IL1RAPL2: variants seen among roughly 807,000 people sequenced by gnomAD.
The protein encoded by IL1RAPL2 is interleukin 1 receptor accessory protein like 2, also known as X-linked interleukin-1 receptor accessory protein-like 2.
In IL1RAPL2, 3 loss-of-function variants were observed where a neutral mutation model predicts 44.1. The observed-to-expected ratio is 0.07, with a 90% CI of 0.03 to 0.18. The LOEUF (loss-of-function observed/expected upper bound fraction) is 0.18. Ranked by LOEUF, IL1RAPL2 falls within the 10% of genes least tolerant of loss-of-function variation. IL1RAPL2 has a pLI of 1.00. For synonymous variants in IL1RAPL2, 181 were observed against 178.8 expected, an observed-to-expected ratio of 1.01 and a Z score of -0.10; for missense variants, 391 against 496.4, an observed-to-expected ratio of 0.79 and a Z score of 2.02.
At chrX:104,882,875 A>G (rs1269230087) in intron 2 of IL1RAPL2, among the ~76,000 whole-genome samples, 1 of 111,683 alleles carries the variant, frequency 9.0e-6, no homozygotes, top group Non-Finnish European at 1.9e-5. Flanking sequence ...CAGCAAGACC[A>G]CAAACCCACT....
chrX:105,090,149 T>C (rs2032526127), intron 2 of IL1RAPL2, among the ~76,000 whole-genome samples: 1 of 111,240 alleles, frequency 9.0e-6, no homozygotes, highest in African/African-American at 3.3e-5. Flanking sequence ...CTTATTCTCC[T>C]TGACAAGATG....
At chrX:104,877,566 G>C (rs1922942281) in intron 2 of IL1RAPL2, among the ~76,000 whole-genome samples, 1 of 112,132 alleles carries the variant, frequency 8.9e-6, no homozygotes, top group Admixed American at 9.5e-5. Context: ...TAAGATTTTT[G>C]CATGTCACTT....
Position 105,295,756 on chromosome X carries a change from T to TA in IL1RAPL2, c.697+28223dup, listed in dbSNP as rs200610231. Among the ~76,000 whole-genome samples, 554 of 111,551 alleles carry TA rather than the reference T, an allele frequency of 5.0e-3. 4 individuals are homozygous for TA. The highest frequency in any genetic ancestry group is 0.016 in the African/African-American group (487 of 30,760). Reference sequence around the variant, plus strand: ...ATATATTTATTACTATGGCTTGTGGTAAAAAAAATAAGTCTCTGATCTAGA... The same window carrying TA: ...ATATATTTATTACTATGGCTTGTGGTAAAAAAAAATAAGTCTCTGATCTAGA... On this transcript the variant is annotated intron_variant, in intron 5 of 10. Coordinates refer to ENST00000372582, the MANE Select transcript of IL1RAPL2 (RefSeq NM_017416.2).
chrX:105,654,832 C>T (rs892523508), intron 6 of IL1RAPL2, among the ~76,000 whole-genome samples: 2 of 111,610 alleles, frequency 1.8e-5, no homozygotes, highest in Non-Finnish European at 3.8e-5. Flanking sequence ...TCAACTTGTT[C>T]TCCTGTCATC....
intron 2 of IL1RAPL2, among the ~76,000 whole-genome samples, chrX:104,853,269 CAT>C (rs1439023233): frequency 9.0e-6 from 1 of 111,370 alleles, no homozygotes; most frequent in Non-Finnish European, 1.9e-5. Context: ...AGGATGTAAT[CAT>C]ATGTTATAGA....
intron 2 of IL1RAPL2, among the ~76,000 whole-genome samples, chrX:105,078,381 C>A (rs915352642): frequency 9.0e-6 from 1 of 111,099 alleles, no homozygotes; most frequent in Admixed American, 9.6e-5. Context: ...GCTGCCTGAT[C>A]GTTCTTCTGG....
intron 2 of IL1RAPL2, among the ~76,000 whole-genome samples, chrX:104,944,722 A>G (rs1216613658): frequency 8.9e-6 from 1 of 111,897 alleles, no homozygotes; most frequent in Non-Finnish European, 1.9e-5. Flanking sequence ...AACTTATTAT[A>G]TGATCTTAGA....
At chrX:104,888,384 AAG>A (rs1328020027) in intron 2 of IL1RAPL2, among the ~76,000 whole-genome samples, 1 of 110,336 alleles carries the variant, frequency 9.1e-6, no homozygotes, top group Admixed American at 9.6e-5. Context: ...GGGAGTCAGA[AAG>A]AGAGAGACGA....
intron 6 of IL1RAPL2, among the ~76,000 whole-genome samples, chrX:105,492,600 TA>T (rs1263878975): frequency 3.6e-5 from 4 of 109,749 alleles, no homozygotes; most frequent in African/African-American, 1.3e-4. Context: ...GTAGTGATAA[TA>T]TCAGTAGTAG....
chrX:105,265,847 T>C (rs2034398070), intron 4 of IL1RAPL2, among the ~76,000 whole-genome samples: 1 of 110,728 alleles, frequency 9.0e-6, no homozygotes, highest in Non-Finnish European at 1.9e-5. Context: ...CAGCTGGGGA[T>C]TGAGAGTCAG....
At chrX:104,950,852 C>G (rs1182693581) in intron 2 of IL1RAPL2, among the ~76,000 whole-genome samples, 1 of 111,059 alleles carries the variant, frequency 9.0e-6, no homozygotes, top group East Asian at 2.9e-4. Flanking sequence ...GGACTACAGG[C>G]GCCCGCCACC....
intron 2 of IL1RAPL2, among the ~76,000 whole-genome samples, chrX:104,728,913 CTG>C (rs1296674034): frequency 8.9e-6 from 1 of 111,832 alleles, no homozygotes; most frequent in African/African-American, 3.2e-5. Context: ...CACTTGAAAA[CTG>C]TAATAGGTAA....
intron 5 of IL1RAPL2, among the ~76,000 whole-genome samples, chrX:105,391,385 C>G (rs1287597301): frequency 9.2e-6 from 1 of 108,257 alleles, no homozygotes; most frequent in Non-Finnish European, 1.9e-5. Flanking sequence ...CCAAAAAACA[C>G]ATGAAAAAAT....
At chrX:104,860,097 C>T (rs1266670844) in intron 2 of IL1RAPL2, among the ~76,000 whole-genome samples, 2 of 111,859 alleles carry the variant, frequency 1.8e-5, no homozygotes, top group East Asian at 2.8e-4. Context: ...TCTGCTTGGT[C>T]GATAAATTAA....
chrX:105,502,213 C>A (rs2036400344), intron 6 of IL1RAPL2, among the ~76,000 whole-genome samples: 1 of 112,048 alleles, frequency 8.9e-6, no homozygotes, highest in Admixed American at 9.5e-5. Flanking sequence ...ACTCTTGTGG[C>A]AAGACAGAGT....
At chrX:104,702,967 T>C (rs924355603) in intron 2 of IL1RAPL2, among the ~76,000 whole-genome samples, 1 of 111,337 alleles carries the variant, frequency 9.0e-6, no homozygotes, top group Non-Finnish European at 1.9e-5. Context: ...TTAGAAAAGA[T>C]CAATGAAATT....
intron 2 of IL1RAPL2, among the ~76,000 whole-genome samples, chrX:104,926,356 G>A (rs910247106): frequency 8.9e-6 from 1 of 111,763 alleles, no homozygotes; most frequent in East Asian, 2.8e-4. Flanking sequence ...AAAATATATC[G>A]AGAGAAAGAG....
rs1309405948 is a variant in IL1RAPL2, at chrX:104,773,837, C to T, written c.82+114842C>T. ...TAACTGGAATTTTTCATTATGTGAT[C>T]CAATAACTTATCGTTTTGCTTAAGC... On this transcript the variant is annotated intron_variant, in intron 2 of 10. Coordinates refer to ENST00000372582, the MANE Select transcript of IL1RAPL2 (RefSeq NM_017416.2). Among the ~76,000 whole-genome samples the T allele has an allele frequency of 1.6e-4, 18 of 111,802 alleles. No individual in the cohort carries two copies. In the Admixed American group the frequency reaches 1.7e-3, roughly 11 times the overall value.
chrX:105,479,055 G>A (rs1460549630), intron 5 of IL1RAPL2, among the ~76,000 whole-genome samples: 1 of 111,588 alleles, frequency 9.0e-6, no homozygotes, highest in Admixed American at 9.6e-5. Flanking sequence ...GATTAGCTTG[G>A]ACTGTTATTA....
Sources: allele counts gnomAD v4.1 joint callset (sites outside exome capture counted in the v4.1 genomes callset), GRCh38; gene constraint gnomAD v4.1.1; transcripts MANE v1.5; gene names NCBI Gene and HGNC (gene_info 2026-07-23, HGNC 2026-07-21).